DLG2: variants seen among roughly 807,000 people sequenced by gnomAD.
DLG2 encodes the protein discs large MAGUK scaffold protein 2.
Under a neutral mutation model 132.5 loss-of-function variants are expected in DLG2, and 45 were observed. The ratio of observed to expected loss-of-function variants is 0.34; its 90% CI spans 0.27 to 0.44. The LOEUF is 0.44. DLG2 is among the 20% of genes least tolerant of loss of function. The pLI is 1.00. For missense variants in DLG2, 1,045 were observed against 1,196.9 expected (o/e 0.87, Z 1.87); for synonymous variants, 424 against 419.6 (o/e 1.01, Z -0.13).
rs1251266715 is a variant in DLG2, at chr11:84,639,455, GT to G, written c.358-104725del. ...AATAAAGCATAAACAAATAATAGCT[GT>G]TGCCATCTTATAACATTGACAGTTC... On this transcript the variant is annotated intron_variant, in intron 6 of 27. Transcript: ENST00000376104. 3.3e-5 allele frequency among the ~76,000 whole-genome samples: 5 copies of G among 150,286 alleles called. No homozygotes were observed. In the Admixed American group the frequency reaches 3.3e-4, roughly 10 times the overall value.
intron 5 of DLG2, among the ~76,000 whole-genome samples, chr11:85,112,200 T>G (rs1368772279): frequency 6.6e-6 from 1 of 152,044 alleles, no homozygotes; most frequent in Non-Finnish European, 1.5e-5. Flanking sequence ...TCCAGAATGT[T>G]GGGTTGAAAG....
intron 6 of DLG2, among the ~76,000 whole-genome samples, chr11:84,743,829 A>G (rs2065007977): frequency 6.6e-6 from 1 of 151,934 alleles, no homozygotes; most frequent in South Asian, 2.1e-4. Flanking sequence ...GGTTCAAATG[A>G]TTCTCCTTCC....
intron 21 of DLG2, among the ~76,000 whole-genome samples, chr11:83,510,888 A>C (rs1295021644): frequency 7.8e-6 from 1 of 128,510 alleles, no homozygotes; most frequent in Non-Finnish European, 1.6e-5. Flanking sequence ...CTAAACTTGG[A>C]ATACTAGCTG....
intron 18 of DLG2, among the ~76,000 whole-genome samples, chr11:83,637,618 C>T (rs1398304095): frequency 2.6e-5 from 4 of 152,132 alleles, no homozygotes; most frequent in Non-Finnish European, 4.4e-5. Flanking sequence ...TCCATGACAT[C>T]ATGACATTGG....
intron 10 of DLG2, among the ~76,000 whole-genome samples, chr11:84,087,396 A>G (rs547176064): frequency 8.5e-5 from 13 of 152,304 alleles, no homozygotes; most frequent in African/African-American, 2.6e-4. Context: ...CTGTTCACCA[A>G]TGAATAATGA....
intron 17 of DLG2, among the ~76,000 whole-genome samples, chr11:83,797,148 A>G (rs2043020992): frequency 6.6e-6 from 1 of 152,072 alleles, no homozygotes; most frequent in African/African-American, 2.4e-5. Flanking sequence ...TGCACATCTG[A>G]AGAACAGGAA....
At chr11:84,052,773 T>A (rs974069216) in intron 11 of DLG2, among the ~76,000 whole-genome samples, 6 of 151,716 alleles carry the variant, frequency 4.0e-5, no homozygotes, top group African/African-American at 1.5e-4. Flanking sequence ...GTAAATGAGT[T>A]TAACCATTGT....
chr11:84,381,085 A>C (rs1352606426), intron 7 of DLG2, among the ~76,000 whole-genome samples: 2 of 152,036 alleles, frequency 1.3e-5, no homozygotes, highest in African/African-American at 4.8e-5. Context: ...AACGATAATA[A>C]GATAATACTT....
intron 6 of DLG2, among the ~76,000 whole-genome samples, chr11:84,795,400 C>T (rs997341717): frequency 6.6e-6 from 1 of 151,964 alleles, no homozygotes; most frequent in Non-Finnish European, 1.5e-5. Context: ...CTTGACACGA[C>T]ACCTTGTCTG....
At chr11:84,264,562 T>C (rs1028778473) in intron 7 of DLG2, among the ~76,000 whole-genome samples, 2 of 152,182 alleles carry the variant, frequency 1.3e-5, no homozygotes, top group East Asian at 3.8e-4. Context: ...GGTTGTTTTC[T>C]GGTATGTGGG....
At chr11:83,991,584 T>C (rs2093713317) in intron 11 of DLG2, among the ~76,000 whole-genome samples, 1 of 152,112 alleles carries the variant, frequency 6.6e-6, no homozygotes, top group African/African-American at 2.4e-5. Flanking sequence ...GCCTCAATGC[T>C]TTTCTTCTTT....
chr11:83,734,291 C>T (rs1268507848), intron 18 of DLG2, among the ~76,000 whole-genome samples: 1 of 151,936 alleles, frequency 6.6e-6, no homozygotes, highest in Non-Finnish European at 1.5e-5. Context: ...CAAATCACAA[C>T]CCAAAAGTGG....
At chr11:84,983,391 G>C (rs575093514) in intron 6 of DLG2, among the ~76,000 whole-genome samples, 1 of 152,088 alleles carries the variant, frequency 6.6e-6, no homozygotes, top group Non-Finnish European at 1.5e-5. Context: ...AAGAGAGATA[G>C]CAATCACTAC....
At chr11:85,004,153 C>T (rs1050341062) in intron 6 of DLG2, among the ~76,000 whole-genome samples, 1 of 152,090 alleles carries the variant, frequency 6.6e-6, no homozygotes, top group Non-Finnish European at 1.5e-5. Flanking sequence ...CAAGTCTTTG[C>T]TATTACGAAC....
intron 3 of DLG2, among the ~76,000 whole-genome samples, chr11:85,379,703 A>G (rs1200818768): frequency 6.6e-6 from 1 of 152,190 alleles, no homozygotes. Context: ...CCCACAACAC[A>G]AAAGCCTAGA....
intron 7 of DLG2, among the ~76,000 whole-genome samples, chr11:84,356,624 T>C (rs959684451): frequency 3.9e-5 from 6 of 152,108 alleles, no homozygotes; most frequent in East Asian, 3.9e-4. Context: ...AGTTAAAATA[T>C]ATAAAGAGCT....
intron 18 of DLG2, among the ~76,000 whole-genome samples, chr11:83,713,158 CT>C (rs1214140042): frequency 2.6e-5 from 4 of 152,096 alleles, no homozygotes; most frequent in Non-Finnish European, 5.9e-5. Flanking sequence ...AAAATCTTAT[CT>C]GTTTTCTTAC....
At chr11:83,665,767 C>T (rs534955870) in intron 18 of DLG2, among the ~76,000 whole-genome samples, 2 of 152,244 alleles carry the variant, frequency 1.3e-5, no homozygotes, top group African/African-American at 2.4e-5. Flanking sequence ...TGAATAATTT[C>T]TACTACCACT....
intron 6 of DLG2, among the ~76,000 whole-genome samples, chr11:85,028,588 G>T (rs1566684322): frequency 1.3e-5 from 2 of 152,164 alleles, no homozygotes; most frequent in African/African-American, 4.8e-5. Flanking sequence ...GGGGCAGAGG[G>T]CTGGCCTGTC....
Sources: allele counts gnomAD v4.1 joint callset (sites outside exome capture counted in the v4.1 genomes callset), GRCh38; gene constraint gnomAD v4.1.1; transcripts MANE v1.5; gene names NCBI Gene and HGNC (gene_info 2026-07-23, HGNC 2026-07-21).